Variants in GPC5 observed in about 807,000 individuals in gnomAD.
The protein encoded by GPC5 is glypican 5, also known as glypican-5.
A neutral mutation model predicts 53.9 loss-of-function variants in GPC5; 47 were observed. That is an observed-to-expected ratio of 0.87 (90% CI 0.69 to 1.11). The LOEUF (loss-of-function observed/expected upper bound fraction) is 1.11, where lower values mean the gene tolerates loss of function less well. Ranked by LOEUF, GPC5 falls within the 50% of genes most tolerant of loss-of-function variation. GPC5 has a pLI of 0.00. For synonymous variants in GPC5, 286 were observed against 263.3 expected, an observed-to-expected ratio of 1.09 and a Z score of -0.84; for missense variants, 748 against 713.1, an observed-to-expected ratio of 1.05 and a Z score of -0.56.
chr13:91,580,920 A>G (rs1256971679), intron 2 of GPC5, among the ~76,000 whole-genome samples: 2 of 152,240 alleles, frequency 1.3e-5, no homozygotes, highest in South Asian at 4.1e-4. Flanking sequence ...ACAGTTCAGC[A>G]TGGGTGGCGA....
chr13:92,673,678 A>C (rs1333586234), intron 7 of GPC5, among the ~76,000 whole-genome samples: 1 of 152,228 alleles, frequency 6.6e-6, no homozygotes, highest in Non-Finnish European at 1.5e-5. Context: ...TGACAGCTTG[A>C]AAATCTATCA....
intron 7 of GPC5, among the ~76,000 whole-genome samples, chr13:92,822,293 C>G (rs751635281): frequency 6.6e-6 from 1 of 151,970 alleles, no homozygotes; most frequent in African/African-American, 2.4e-5. Flanking sequence ...AAATATTTAT[C>G]TAGCCCTGAG....
At chr13:92,692,940 T>C (rs576717347) in intron 7 of GPC5, among the ~76,000 whole-genome samples, 7 of 151,908 alleles carry the variant, frequency 4.6e-5, no homozygotes, top group Non-Finnish European at 7.4e-5. Context: ...GGGAGAGACC[T>C]GGTGGGAGGT....
chr13:92,278,248 C>A (rs1393565097), intron 7 of GPC5, among the ~76,000 whole-genome samples: 1 of 151,842 alleles, frequency 6.6e-6, no homozygotes, highest in Non-Finnish European at 1.5e-5. Context: ...ATTCAAACTA[C>A]TTTTGTTTGC....
intron 7 of GPC5, among the ~76,000 whole-genome samples, chr13:92,589,007 T>A (rs1457887944): frequency 6.6e-6 from 1 of 151,914 alleles, no homozygotes; most frequent in Non-Finnish European, 1.5e-5. Flanking sequence ...TTGAGGGGGG[T>A]GCTTTCCAGA....
intron 5 of GPC5, among the ~76,000 whole-genome samples, chr13:91,836,724 C>T (rs1036703746): frequency 1.3e-5 from 2 of 151,866 alleles, no homozygotes; most frequent in Admixed American, 1.3e-4. Flanking sequence ...ATCATATTTA[C>T]ACTCACATCC....
At position 92,616,989 on chromosome 13, in the gene GPC5, T is replaced by G. The variant is rs1884711783; in HGVS notation, c.1562-249293T>G. On this transcript the variant is annotated intron_variant, in intron 7 of 7. Transcript: ENST00000377067. ...TACATATAAACATATACACTGATGT[T>G]TCATTATATTAAAAAGCGACCATTA... 2.0e-5 allele frequency among the ~76,000 whole-genome samples: 3 copies of G among 152,286 alleles called. No homozygotes were observed. The South Asian group carries it at 6.2e-4, about 32-fold the overall frequency.
intron 7 of GPC5, among the ~76,000 whole-genome samples, chr13:92,684,415 C>T (rs1296977649): frequency 6.6e-5 from 10 of 151,966 alleles, no homozygotes; most frequent in East Asian, 3.9e-4. Context: ...GGACTACAGG[C>T]GTGCATCACC....
chr13:92,696,378 T>A (rs1887557108), intron 7 of GPC5, among the ~76,000 whole-genome samples: 1 of 152,212 alleles, frequency 6.6e-6, no homozygotes. Flanking sequence ...GACTTTTTAA[T>A]GACCGCCATT....
At chr13:92,216,554 G>A (rs147916179) in intron 7 of GPC5, among the ~76,000 whole-genome samples, 221 of 152,238 alleles carry the variant, frequency 1.5e-3, no homozygotes, top group Admixed American at 7.1e-3. Context: ...GGCCACTTTC[G>A]TAAGGACACT....
At chr13:92,322,126 T>C (rs2043220170) in intron 7 of GPC5, among the ~76,000 whole-genome samples, 1 of 152,006 alleles carries the variant, frequency 6.6e-6, no homozygotes, top group African/African-American at 2.4e-5. Context: ...GAAATTAATA[T>C]ATAACCTCTT....
At position 91,589,430 on chromosome 13, in the gene GPC5, G is replaced by A. The variant is rs185061500; in HGVS notation, c.326-103757G>A. Among the ~76,000 whole-genome samples, 195 of 152,126 alleles carry A rather than the reference G, an allele frequency of 1.3e-3. 3 individuals are homozygous for A. The highest frequency in any genetic ancestry group is 4.6e-3 in the African/African-American group (191 of 41,504). The stretch of plus-strand genomic sequence containing the variant: ...GGAAACAGGCTACTGTGTTCAGTAA[G>A]CATCTCAAAGTGAGCCTGTCCAAGA... On this transcript the variant is annotated intron_variant, in intron 2 of 7. Transcript: ENST00000377067.
At chr13:91,746,596 G>A (rs867968008) in intron 4 of GPC5, among the ~76,000 whole-genome samples, 2 of 152,094 alleles carry the variant, frequency 1.3e-5, no homozygotes, top group African/African-American at 2.4e-5. Context: ...TATGCCTTTC[G>A]AACATAGTTT....
intron 6 of GPC5, among the ~76,000 whole-genome samples, chr13:91,963,730 G>C (rs1242192000): frequency 6.6e-6 from 1 of 152,118 alleles, no homozygotes; most frequent in Non-Finnish European, 1.5e-5. Context: ...GGGGGTATAA[G>C]AATAGGGATA....
chr13:92,429,086 T>A (rs1206939429), intron 7 of GPC5, among the ~76,000 whole-genome samples: 1 of 151,874 alleles, frequency 6.6e-6, no homozygotes, highest in Non-Finnish European at 1.5e-5. Context: ...TTTGAAAAAA[T>A]TAAAGTCAAA....
chr13:92,732,059 AT>A (rs1160703520), intron 7 of GPC5, among the ~76,000 whole-genome samples: 2 of 150,818 alleles, frequency 1.3e-5, no homozygotes, highest in Non-Finnish European at 3.0e-5. Flanking sequence ...GAGTGCTTTA[AT>A]TTTTTTTTAA....
chr13:92,840,467 T>A (rs1878397785), intron 7 of GPC5, among the ~76,000 whole-genome samples: 1 of 152,120 alleles, frequency 6.6e-6, no homozygotes, highest in African/African-American at 2.4e-5. Context: ...TTGATTTGTC[T>A]ATCTTTATAC....
chr13:91,712,312 G>C (rs954896566), intron 3 of GPC5, among the ~76,000 whole-genome samples: 1 of 151,544 alleles, frequency 6.6e-6, no homozygotes, highest in African/African-American at 2.4e-5. Context: ...GTGTGTGTGT[G>C]TATATGTGTG....
At chr13:92,201,879 G>A (rs1333649364) in intron 7 of GPC5, among the ~76,000 whole-genome samples, 3 of 152,140 alleles carry the variant, frequency 2.0e-5, no homozygotes, top group Admixed American at 1.3e-4. Flanking sequence ...ACAAAATACA[G>A]TAATAAGGGA....
Sources: allele counts gnomAD v4.1 joint callset (sites outside exome capture counted in the v4.1 genomes callset), GRCh38; gene constraint gnomAD v4.1.1; transcripts MANE v1.5; gene names NCBI Gene and HGNC (gene_info 2026-07-23, HGNC 2026-07-21).